Variants in SLC1A2 observed in about 807,000 individuals in gnomAD.
The protein encoded by SLC1A2 is excitatory amino acid transporter 2.
SLC1A2 carries 15 observed loss-of-function variants against 48.8 expected under a neutral mutation model. That is an observed-to-expected ratio of 0.31 (90% confidence interval 0.21 to 0.47). The LOEUF is 0.47. SLC1A2 is among the 20% of genes least tolerant of loss of function. The probability of loss-of-function intolerance (pLI) is 0.99; values close to 1 mark genes in which losing one functional copy is unlikely to be tolerated. For synonymous variants in SLC1A2, 279 were observed against 272.6 expected (o/e 1.02, Z -0.23); for missense variants, 502 against 730.5 (o/e 0.69, Z 3.61).
chr11:35,267,575 A>G (rs1850131138), intron 9 of SLC1A2, among the ~76,000 whole-genome samples: 1 of 152,166 alleles, frequency 6.6e-6, no homozygotes, highest in Non-Finnish European at 1.5e-5. Flanking sequence ...CCCTGAAAAC[A>G]TTAACCCTAT....
At chr11:35,356,041 A>G (rs1252055431) in intron 1 of SLC1A2, among the ~76,000 whole-genome samples, 2 of 152,176 alleles carry the variant, frequency 1.3e-5, no homozygotes, top group Admixed American at 1.3e-4. Flanking sequence ...CAAAATAATT[A>G]TGTGAAATAC....
At position 35,255,722 on chromosome 11, in the gene SLC1A2, T is replaced by C. The variant is rs1005605316; in HGVS notation, c.*5172A>G. On this transcript the variant is annotated 3_prime_UTR_variant, in exon 11 of 11. Coordinates refer to ENST00000278379, the MANE Select transcript of SLC1A2 (RefSeq NM_004171.4). ...GCTGTAGGTTCATCCAGTCCTCTCATGTTGACTCTGGAAACATTTTTCCGT... is the reference window on the plus strand; with the variant it reads ...GCTGTAGGTTCATCCAGTCCTCTCACGTTGACTCTGGAAACATTTTTCCGT... The C allele has an allele frequency of 6.6e-6, 1 of 152,206 alleles. No homozygotes were observed. The highest frequency in any genetic ancestry group is 1.9e-4 in the East Asian group (1 of 5,204). 9.4% of individuals were successfully genotyped at this position (152,206 alleles called of 1,614,324 possible).
chr11:35,305,985 C>T (rs1851490572), intron 5 of SLC1A2, 89 bp downstream of exon 5: 3 of 1,221,012 alleles, frequency 2.5e-6, no homozygotes, highest in East Asian at 4.8e-5. Context: ...ACCTAGAGGA[C>T]AGCTGAGTCA....
chr11:35,287,031 G>A, intron 7 of SLC1A2, 80 bp from the exon 8 acceptor site: 1 of 1,077,200 alleles, frequency 9.3e-7, no homozygotes, highest in Non-Finnish European at 1.4e-6. Context: ...GAATGCCACT[G>A]CATCCTTAGT....
At chr11:35,275,416 C>G (rs1050367304) in intron 9 of SLC1A2, among the ~76,000 whole-genome samples, 1 of 151,610 alleles carries the variant, frequency 6.6e-6, no homozygotes, top group Non-Finnish European at 1.5e-5. Flanking sequence ...CTCCATCCTG[C>G]CTCCTTCAGA....
chr11:35,265,608 A>T lies in SLC1A2; in HGVS notation c.1572T>A (p.Asp524Glu), dbSNP rs757426635. 6.2e-7 allele frequency: 1 copy of T among 1,613,022 alleles called. No individual in the cohort carries two copies. Among genetic ancestry groups the T allele is most frequent in the South Asian group, 1.1e-5 (1 of 91,060 alleles). Reference protein sequence around the residue: ...IEMTKTQSIYDDMKNHRESNS... With the variant: ...IEMTKTQSIYEDMKNHRESNS... The stretch of plus-strand genomic sequence containing the variant: ...TGCTTTCCCTGTGGTTCTTCATGTC[A>T]TCATAAATGGATTGAGTCTTGGTCA... The change falls in exon 10 of 11, where the codon GAT becomes GAA. Residue 524 changes from aspartate to glutamate, a missense_variant. Around this residue, in one of 4 missense-constraint regions of SLC1A2, gnomAD observed 102 missense variants for 107.2 expected, o/e 0.95. Coordinates refer to ENST00000278379, the MANE Select transcript of SLC1A2 (RefSeq NM_004171.4).
At chr11:35,302,005 T>A (rs1472101627) in intron 5 of SLC1A2, among the ~76,000 whole-genome samples, 3 of 152,230 alleles carry the variant, frequency 2.0e-5, no homozygotes, top group Non-Finnish European at 4.4e-5. Context: ...AAAAGCCTGT[T>A]GGGACTTGGG....
chr11:35,354,650 A>C (rs2025111), intron 1 of SLC1A2, among the ~76,000 whole-genome samples: 87,946 of 151,702 alleles, frequency 0.58, 27,143 homozygotes, highest in African/African-American at 0.79. Context: ...AATTATTTTG[A>C]CCCAAATGCC....
At position 35,260,824 on chromosome 11, in the gene SLC1A2, T is replaced by C; in HGVS notation, c.*70A>G. 2 of 1,113,136 alleles carry C rather than the reference T, an allele frequency of 1.8e-6. No homozygotes were observed. The highest frequency in any genetic ancestry group is 1.3e-5 in the South Asian group (1 of 78,826). The allele number at this position is 1,113,136 out of a possible 1,614,324, so 69.0% of individuals were successfully genotyped here. The stretch of plus-strand genomic sequence containing the variant: ...CATTTTTTTCCTTTTTAAAGAAAGC[T>C]TGTTTATATCATCAGTTACCATAGG... On this transcript the variant is annotated 3_prime_UTR_variant, in exon 11 of 11. Transcript: ENST00000278379.
chr11:35,253,926 A>G lies in SLC1A2; in HGVS notation c.*6968T>C, dbSNP rs1950276502. The G allele has an allele frequency of 6.6e-6, 1 of 152,544 alleles. No individual in the cohort carries two copies. The highest frequency in any genetic ancestry group is 1.5e-5 in the Non-Finnish European group (1 of 68,052). 9.4% of individuals were successfully genotyped at this position (152,544 alleles called of 1,614,324 possible). ...TATAACATTATTAAAGGCTAAATTA[A>G]TATTAAACATATAACATCCAGGTCT... On this transcript the variant is annotated 3_prime_UTR_variant, in exon 11 of 11. Transcript: ENST00000278379.
At chr11:35,385,301 C>A (rs1854552508) in intron 1 of SLC1A2, among the ~76,000 whole-genome samples, 1 of 152,174 alleles carries the variant, frequency 6.6e-6, no homozygotes. Context: ...TAATCTATGA[C>A]AAGCACATAT....
chr11:35,261,896 T>A, intron 10 of SLC1A2: 1 of 395,840 alleles, frequency 2.5e-6, no homozygotes, highest in East Asian at 3.6e-5. Flanking sequence ...CTTCAACGAA[T>A]CAAGCAAAGG....
intron 1 of SLC1A2, among the ~76,000 whole-genome samples, chr11:35,335,384 C>T (rs550012229): frequency 6.6e-6 from 1 of 152,156 alleles, no homozygotes; most frequent in African/African-American, 2.4e-5. Context: ...GCCATAGCAA[C>T]CGCAATTGCA....
intron 1 of SLC1A2, among the ~76,000 whole-genome samples, chr11:35,401,455 T>G (rs1388160917): frequency 6.6e-6 from 1 of 152,202 alleles, no homozygotes; most frequent in Non-Finnish European, 1.5e-5. Context: ...TCTCTTTTAA[T>G]GTTAATGCTA....
intron 1 of SLC1A2, among the ~76,000 whole-genome samples, chr11:35,377,204 A>G (rs895174913): frequency 6.6e-6 from 1 of 152,208 alleles, no homozygotes; most frequent in Admixed American, 6.5e-5. Context: ...TGAAGGTCAG[A>G]GGGGTTAAGC....
At chr11:35,295,070 CAG>C (rs1851129961) in intron 6 of SLC1A2, among the ~76,000 whole-genome samples, 2 of 151,984 alleles carry the variant, frequency 1.3e-5, no homozygotes, top group African/African-American at 4.8e-5. Context: ...TATTTTGAGA[CAG>C]AGTCTTGCTC....
intron 9 of SLC1A2, among the ~76,000 whole-genome samples, chr11:35,266,912 G>C (rs1283276932): frequency 1.3e-5 from 2 of 152,194 alleles, no homozygotes; most frequent in East Asian, 3.9e-4. Flanking sequence ...AGCTGCACTA[G>C]GAAAAGTCGG....
intron 1 of SLC1A2, among the ~76,000 whole-genome samples, chr11:35,407,257 C>G (rs1186182617): frequency 6.6e-6 from 1 of 152,142 alleles, no homozygotes; most frequent in East Asian, 1.9e-4. Flanking sequence ...CCTCCCTGTC[C>G]CTTCTGAGTA....
chr11:35,394,409 C>G lies in SLC1A2; in HGVS notation c.17+24541G>C, dbSNP rs115644714. 5.5e-3 allele frequency among the ~76,000 whole-genome samples: 844 copies of G among 152,212 alleles called. 7 individuals carry two copies. The highest frequency in any genetic ancestry group is 0.02 in the African/African-American group (815 of 41,530). On this transcript the variant is annotated intron_variant, in intron 1 of 10. Coordinates refer to ENST00000278379, the MANE Select transcript of SLC1A2 (RefSeq NM_004171.4). ...ACACCAATTTGGCAGCCTGAGCCTG[C>G]TGGAGTGAAAGGCCGCTTTTCAAAA...
Sources: gnomAD v4.1 joint callset for allele counts (sites outside exome capture counted in the v4.1 genomes callset) on GRCh38, gnomAD v4.1.1 for gene constraint, gnomAD v4.1.1 regional missense constraint, MANE v1.5 for transcripts, NCBI Gene and HGNC (gene_info 2026-07-23, HGNC 2026-07-21) for gene names.